Variants in NAV3 observed in about 807,000 individuals in gnomAD.
NAV3 encodes the protein pore membrane and/or filament interacting like protein 1.
A neutral mutation model predicts 244.7 loss-of-function variants in NAV3; 87 were observed. The ratio of observed to expected loss-of-function variants is 0.36; its 90% CI spans 0.30 to 0.42. The LOEUF (loss-of-function observed/expected upper bound fraction) is 0.42. NAV3 is among the 20% of genes least tolerant of loss of function. The probability of loss-of-function intolerance (pLI) is 1.00; values close to 1 mark genes in which losing one functional copy is unlikely to be tolerated. For missense variants in NAV3, 2,663 were observed against 2,893.3 expected (o/e 0.92, Z 1.83); for synonymous variants, 1,126 against 1,042.2 (o/e 1.08, Z -1.55).
intron 22 of NAV3, among the ~76,000 whole-genome samples, chr12:78,156,914 T>A (rs1309360227): frequency 6.6e-6 from 1 of 152,112 alleles, no homozygotes; most frequent in Non-Finnish European, 1.5e-5. Context: ...TCAAAACCCA[T>A]GTAAAGCAAA....
At chr12:77,932,316 T>A (rs1173479133) in intron 1 of NAV3, among the ~76,000 whole-genome samples, 1 of 152,168 alleles carries the variant, frequency 6.6e-6, no homozygotes, top group Non-Finnish European at 1.5e-5. Flanking sequence ...ATATAACTCT[T>A]GAATTTGGTT....
chr12:77,903,561 C>A (rs11107271), intron 1 of NAV3, among the ~76,000 whole-genome samples: 1 of 151,932 alleles, frequency 6.6e-6, no homozygotes, highest in Non-Finnish European at 1.5e-5. Flanking sequence ...ACCTAGGCAA[C>A]ACCATTCAGG....
chr12:77,938,508 A>G (rs1396484227), intron 1 of NAV3, among the ~76,000 whole-genome samples: 1 of 152,142 alleles, frequency 6.6e-6, no homozygotes, highest in African/African-American at 2.4e-5. Context: ...ACATCTTTCA[A>G]GAAACTTAAT....
intron 2 of NAV3, among the ~76,000 whole-genome samples, chr12:77,673,275 G>A (rs2137083618): frequency 6.6e-6 from 1 of 152,112 alleles, no homozygotes; most frequent in African/African-American, 2.4e-5. Context: ...CCTCTTTTAT[G>A]ATCAGGTTGC....
intron 2 of NAV3, among the ~76,000 whole-genome samples, chr12:77,640,992 T>G (rs1872385208): frequency 6.6e-6 from 1 of 152,096 alleles, no homozygotes; most frequent in African/African-American, 2.4e-5. Context: ...GACTAGTGAT[T>G]GACTATACAA....
At chr12:77,867,996 C>G (rs751732615) in intron 1 of NAV3, among the ~76,000 whole-genome samples, 11 of 152,146 alleles carry the variant, frequency 7.2e-5, no homozygotes, top group Non-Finnish European at 1.6e-4. Context: ...ACATCTCAGG[C>G]ACATGGTCTG....
chr12:78,041,054 G>A (rs1278606069), intron 9 of NAV3, among the ~76,000 whole-genome samples: 2 of 152,132 alleles, frequency 1.3e-5, no homozygotes, highest in African/African-American at 4.8e-5. Flanking sequence ...ATATGTATGA[G>A]GAGAAGTATG....
rs371690537 is a variant in NAV3, at chr12:77,802,143, A to G, written c.73-138176A>G. ...GGAGCCTTTGGCCTAAAGTATTTAC[A>G]TAAATAAAAGAATGTAAGAAATAAT... On this transcript the variant is annotated intron_variant, in intron 2 of 8. Transcript: ENST00000550042. Among the ~76,000 whole-genome samples the G allele has an allele frequency of 1.6e-4, 24 of 152,346 alleles. No homozygotes were observed. The East Asian group carries it at 3.7e-3, about 23-fold the overall frequency.
chr12:77,795,953 C>G (rs1871388484), intron 2 of NAV3, among the ~76,000 whole-genome samples: 1 of 152,158 alleles, frequency 6.6e-6, no homozygotes, highest in African/African-American at 2.4e-5. Context: ...TGACAATCCA[C>G]TCAGTAATTC....
intron 2 of NAV3, among the ~76,000 whole-genome samples, chr12:77,751,255 C>T (rs1868837973): frequency 6.6e-6 from 1 of 152,212 alleles, no homozygotes; most frequent in South Asian, 2.1e-4. Context: ...ATACTAGCCT[C>T]TTTGTAGCCT....
chr12:77,760,102 T>C (rs1289863460), intron 2 of NAV3, among the ~76,000 whole-genome samples: 2 of 152,246 alleles, frequency 1.3e-5, no homozygotes, highest in Admixed American at 6.5e-5. Context: ...TGTTAGAATA[T>C]GCTTGATATT....
chr12:78,185,511 T>C (rs1958673672), intron 30 of NAV3, 90 bp from the exon 31 acceptor site: 2 of 1,114,266 alleles, frequency 1.8e-6, no homozygotes, highest in Non-Finnish European at 2.6e-6. Context: ...CATTGAAAGA[T>C]ATAAAACTAT....
At chr12:77,829,139 G>A (rs1873328752), upstream of NAV3, among the ~76,000 whole-genome samples, 4 of 152,164 alleles carry the variant, frequency 2.6e-5, no homozygotes, top group South Asian at 4.1e-4. Context: ...CTCTTCAAAG[G>A]GGCATGCCCC....
rs763958373 is a variant in NAV3, at chr12:77,767,890, A to G, written c.73-172429A>G. ...GCCCTGTTTCTGTTACAGCTCTTTC[A>G]GTTCCACCATTTGGCAGGTCCCAAG... On this transcript the variant is annotated intron_variant, in intron 2 of 8. Transcript: ENST00000550042. 4.9e-4 allele frequency among the ~76,000 whole-genome samples: 75 copies of G among 152,210 alleles called. 1 individual carries two copies. Among genetic ancestry groups the G allele is most frequent in the Admixed American group, 1.5e-3 (23 of 15,284 alleles).
intron 12 of NAV3, among the ~76,000 whole-genome samples, chr12:78,096,312 A>G (rs1012948592): frequency 1.3e-5 from 2 of 152,116 alleles, no homozygotes; most frequent in African/African-American, 4.8e-5. Context: ...GCTTTATATC[A>G]TTCATTCTGG....
chr12:77,656,297 G>A (rs890182462), intron 2 of NAV3, among the ~76,000 whole-genome samples: 1 of 132,390 alleles, frequency 7.6e-6, no homozygotes, highest in Non-Finnish European at 1.5e-5. Flanking sequence ...AAAAAGGCAG[G>A]GGTTGCAATC....
intron 2 of NAV3, among the ~76,000 whole-genome samples, chr12:77,679,151 T>G (rs187640625): frequency 1.7e-3 from 253 of 152,262 alleles, no homozygotes; most frequent in African/African-American, 5.7e-3. Context: ...TTTTTTAACC[T>G]CGATTCAGGA....
intron 5 of NAV3, among the ~76,000 whole-genome samples, chr12:77,992,687 A>G (rs1871652654): frequency 1.3e-5 from 2 of 152,372 alleles, no homozygotes; most frequent in South Asian, 4.1e-4. Flanking sequence ...TAAGTAAACA[A>G]TGCATAAAAT....
rs746917087 is a variant in NAV3, at chr12:78,127,213, A to G, written c.4280+5A>G. On this transcript the variant is annotated splice_donor_5th_base_variant and intron_variant, in intron 17 of 39. Coordinates refer to ENST00000397909, the MANE Select transcript of NAV3 (RefSeq NM_001024383.2). ...ACTACCCAAAAAGGGACTAAGGTAT[A>G]TATTCCTCTCAGCACAATTGCTACC... 1.9e-5 allele frequency: 31 copies of G among 1,612,946 alleles called. No individual in the cohort carries two copies. Among genetic ancestry groups the G allele is most frequent in the Non-Finnish European group, 2.4e-5 (28 of 1,179,324 alleles).
Sources: gnomAD v4.1 joint callset for allele counts (sites outside exome capture counted in the v4.1 genomes callset) on GRCh38, gnomAD v4.1.1 for gene constraint, MANE v1.5 for transcripts, NCBI Gene and HGNC (gene_info 2026-07-23, HGNC 2026-07-21) for gene names.